GLIS1: variants seen among roughly 807,000 people sequenced by gnomAD.
The protein encoded by GLIS1 is zinc finger protein GLIS1.
Under a neutral mutation model 63.8 loss-of-function variants are expected in GLIS1, and 24 were observed. That is an observed-to-expected ratio of 0.38 (90% CI 0.27 to 0.53). The LOEUF (loss-of-function observed/expected upper bound fraction) is 0.53. GLIS1 is among the 20% of genes least tolerant of loss of function. The pLI is 0.85. For synonymous variants in GLIS1, 450 were observed against 482.5 expected (o/e 0.93, Z 0.88); for missense variants, 1,036 against 1,074.1 (o/e 0.96, Z 0.50).
intron 2 of GLIS1, among the ~76,000 whole-genome samples, chr1:53,652,868 T>C (rs768484004): frequency 9.8e-5 from 15 of 152,308 alleles, no homozygotes; most frequent in Non-Finnish European, 1.9e-4. Context: ...ACCCTGGCCA[T>C]GTGGTCCTGG....
At chr1:53,592,126 C>G (rs140398295) in intron 4 of GLIS1, among the ~76,000 whole-genome samples, 31 of 152,076 alleles carry the variant, frequency 2.0e-4, no homozygotes, top group African/African-American at 7.5e-4. Flanking sequence ...TCTGTGGAAT[C>G]AAGTGAGATC....
At chr1:53,595,218 G>C (rs1306778930) in intron 3 of GLIS1, among the ~76,000 whole-genome samples, 1 of 152,082 alleles carries the variant, frequency 6.6e-6, no homozygotes, top group Non-Finnish European at 1.5e-5. Context: ...GGCTGGGGAG[G>C]GAAAGAAGAG....
chr1:53,668,653 G>T (rs1272286801), intron 2 of GLIS1, among the ~76,000 whole-genome samples: 2 of 152,154 alleles, frequency 1.3e-5, no homozygotes, highest in African/African-American at 4.8e-5. Context: ...GAGCCACCAT[G>T]CCCAGCCCTA....
At chr1:53,581,043 C>T (rs1645080040) in intron 4 of GLIS1, among the ~76,000 whole-genome samples, 1 of 152,228 alleles carries the variant, frequency 6.6e-6, no homozygotes, top group African/African-American at 2.4e-5. Context: ...GAACGCCTCT[C>T]TGGGCCTCAG....
intron 2 of GLIS1, among the ~76,000 whole-genome samples, chr1:53,661,521 T>C (rs1646028005): frequency 6.6e-6 from 1 of 152,090 alleles, no homozygotes; most frequent in Non-Finnish European, 1.5e-5. Flanking sequence ...CCTAGACCAC[T>C]CCAGAGGCCC....
At chr1:53,592,881 C>T (rs1036287378) in intron 4 of GLIS1, among the ~76,000 whole-genome samples, 3 of 152,388 alleles carry the variant, frequency 2.0e-5, no homozygotes, top group Middle Eastern at 3.4e-3. Flanking sequence ...TCCTGTCCGA[C>T]GCCCAGCTCC....
At position 53,738,116 on chromosome 1, in the gene GLIS1, G is replaced by A. The variant is rs1646931438; in HGVS notation, c.-42-10C>T. Reference sequence around the variant, plus strand: ...GGGTCGCGCCGGGCTCCTGGGGAGGGGAGACAGCACAGCCAGTTAGAATGC... The same window carrying A: ...GGGTCGCGCCGGGCTCCTGGGGAGGAGAGACAGCACAGCCAGTTAGAATGC... On this transcript the variant is annotated splice_polypyrimidine_tract_variant and intron_variant, in intron 1 of 10. Transcript: ENST00000628545. The A allele has an allele frequency of 2.5e-6, 3 of 1,219,966 alleles. No homozygotes were observed. Among genetic ancestry groups the A allele is most frequent in the East Asian group, 3.2e-5 (1 of 31,416 alleles). The allele number at this position is 1,219,966 out of a possible 1,614,324, so 75.6% of individuals were successfully genotyped here. A position where few individuals can be genotyped will look rare whatever the true frequency, so the allele number is the denominator to read the frequency against.
At position 53,575,721 on chromosome 1, in the gene GLIS1, T is replaced by C. The variant is rs575609274; in HGVS notation, c.1320+18387A>G. On this transcript the variant is annotated intron_variant, in intron 4 of 10. Coordinates refer to ENST00000628545, the MANE Select transcript of GLIS1 (RefSeq NM_001367484.1). Reference sequence around the variant, plus strand: ...AGGTGCTTGGTGAATGAATGCAGGATTGAGTGAATGAATGAACACACACAA... The same window carrying C: ...AGGTGCTTGGTGAATGAATGCAGGACTGAGTGAATGAATGAACACACACAA... 4.6e-5 allele frequency among the ~76,000 whole-genome samples: 7 copies of C among 152,168 alleles called. No individual in the cohort carries two copies. The South Asian group carries it at 1.2e-3, about 27-fold the overall frequency.
intron 2 of GLIS1, among the ~76,000 whole-genome samples, chr1:53,703,073 G>A (rs1570075583): frequency 6.6e-6 from 1 of 152,342 alleles, no homozygotes; most frequent in Admixed American, 6.5e-5. Flanking sequence ...TCAGCTCCTT[G>A]AGCCTCTGCT....
intron 5 of GLIS1, among the ~76,000 whole-genome samples, chr1:53,528,549 C>A (rs1644495208): frequency 6.6e-6 from 1 of 152,008 alleles, no homozygotes; most frequent in Admixed American, 6.6e-5. Context: ...ACAGAGTGTC[C>A]CCCCCAGGGC....
At chr1:53,514,536 G>T in intron 8 of GLIS1, 89 bp downstream of exon 8, 2 of 1,322,312 alleles carry the variant, frequency 1.5e-6, no homozygotes, top group Non-Finnish European at 2.1e-6. Flanking sequence ...GTAACAAGCA[G>T]ATAGATAGTG....
intron 2 of GLIS1, among the ~76,000 whole-genome samples, chr1:53,622,191 G>A (rs1166121499): frequency 1.3e-5 from 2 of 152,040 alleles, no homozygotes; most frequent in East Asian, 3.9e-4. Context: ...ACTTTGGGAG[G>A]CCGAGGTGGG....
intron 2 of GLIS1, among the ~76,000 whole-genome samples, chr1:53,720,503 G>T (rs9804041): frequency 6.6e-6 from 1 of 151,934 alleles, no homozygotes; most frequent in African/African-American, 2.4e-5. Context: ...GAAAGGGTGA[G>T]GGAAGGAAAA....
chr1:53,633,922 C>T (rs757546705), intron 2 of GLIS1, among the ~76,000 whole-genome samples: 1 of 152,158 alleles, frequency 6.6e-6, no homozygotes, highest in African/African-American at 2.4e-5. Context: ...ACGAATCCAC[C>T]AGTGAACAGA....
intron 1 of GLIS1, among the ~76,000 whole-genome samples, chr1:53,738,769 C>G (rs912144096): frequency 1.3e-5 from 2 of 152,194 alleles, no homozygotes; most frequent in African/African-American, 4.8e-5. Flanking sequence ...GCGCGCAAAC[C>G]GGCACAGTGG....
At chr1:53,682,642 C>T (rs1646288363) in intron 2 of GLIS1, among the ~76,000 whole-genome samples, 1 of 152,244 alleles carries the variant, frequency 6.6e-6, no homozygotes, top group Non-Finnish European at 1.5e-5. Flanking sequence ...AGCCAAGGGG[C>T]AGGCAAGGAG....
chr1:53,566,554 G>A (rs1644938081), intron 4 of GLIS1, among the ~76,000 whole-genome samples: 3 of 152,206 alleles, frequency 2.0e-5, no homozygotes, highest in African/African-American at 7.2e-5. Context: ...AGATCTATAT[G>A]AGGAAAATGA....
At chr1:53,653,900 C>T (rs1645935874) in intron 2 of GLIS1, among the ~76,000 whole-genome samples, 1 of 152,194 alleles carries the variant, frequency 6.6e-6, no homozygotes, top group Non-Finnish European at 1.5e-5. Flanking sequence ...GAAGTGCTCC[C>T]GAAGGAGAAG....
chr1:53,588,520 T>TG (rs2100514818), intron 4 of GLIS1, among the ~76,000 whole-genome samples: 1 of 152,332 alleles, frequency 6.6e-6, no homozygotes, highest in South Asian at 2.1e-4. Context: ...CCCTGTTCTC[T>TG]GTCTGTATGT....
Sources: allele counts gnomAD v4.1 joint callset (sites outside exome capture counted in the v4.1 genomes callset), GRCh38; gene constraint gnomAD v4.1.1; transcripts MANE v1.5; gene names NCBI Gene and HGNC (gene_info 2026-07-23, HGNC 2026-07-21).